The following EYS variants were observed in gnomAD, a reference collection of about 807,000 sequenced individuals.
EYS encodes the protein protein eyes shut homolog.
In EYS, 250 loss-of-function variants were observed where a neutral mutation model predicts 282.1. The observed-to-expected ratio is 0.89, with a 90% CI of 0.80 to 0.98. The LOEUF (loss-of-function observed/expected upper bound fraction) is 0.98, where lower values mean the gene tolerates loss of function less well. EYS is among the 50% of genes least tolerant of loss of function. EYS has a pLI of 0.00. For synonymous variants in EYS, 1,355 were observed against 1,282.9 expected (o/e 1.06, Z -1.20); for missense variants, 4,016 against 3,709.0 (o/e 1.08, Z -2.15).
intron 31 of EYS, among the ~76,000 whole-genome samples, chr6:64,223,926 T>C (rs1425970572): frequency 2.6e-5 from 4 of 152,070 alleles, no homozygotes; most frequent in African/African-American, 7.2e-5. Flanking sequence ...TGTAACCTTT[T>C]GTAGAATAGG....
At chr6:63,859,792 C>T (rs6911292) in intron 36 of EYS, among the ~76,000 whole-genome samples, 77,072 of 151,972 alleles carry the variant, frequency 0.51, 21,227 homozygotes, top group African/African-American at 0.72. Context: ...TCGGCTCCGG[C>T]CATCACTGCC....
At chr6:64,894,755 T>C (rs1456326521) in intron 18 of EYS, among the ~76,000 whole-genome samples, 1 of 151,980 alleles carries the variant, frequency 6.6e-6, no homozygotes, top group Non-Finnish European at 1.5e-5. Flanking sequence ...ATTTTAGGAG[T>C]TGCTGAATAC....
intron 5 of EYS, among the ~76,000 whole-genome samples, chr6:65,475,954 A>G (rs1241359969): frequency 6.6e-6 from 1 of 152,144 alleles, no homozygotes; most frequent in Non-Finnish European, 1.5e-5. Flanking sequence ...TTCACTCTGT[A>G]TTTCTTACTA....
At chr6:64,178,150 C>T (rs1307896899) in intron 31 of EYS, among the ~76,000 whole-genome samples, 1 of 151,998 alleles carries the variant, frequency 6.6e-6, no homozygotes, top group African/African-American at 2.4e-5. Flanking sequence ...CTGAGTTATT[C>T]TGGTGTGAAT....
intron 24 of EYS, among the ~76,000 whole-genome samples, chr6:64,594,390 T>C (rs896726543): frequency 1.3e-5 from 2 of 152,124 alleles, no homozygotes; most frequent in East Asian, 1.9e-4. Flanking sequence ...CCTTTGGGTA[T>C]ATACTCAGTA....
At chr6:64,025,579 G>C (rs533969167) in intron 33 of EYS, among the ~76,000 whole-genome samples, 1 of 152,226 alleles carries the variant, frequency 6.6e-6, no homozygotes, top group Admixed American at 6.5e-5. Flanking sequence ...CCAGGACTCT[G>C]TTACCTTCTT....
At chr6:65,038,715 G>T (rs952445193) in intron 13 of EYS, among the ~76,000 whole-genome samples, 2 of 151,338 alleles carry the variant, frequency 1.3e-5, no homozygotes, top group Admixed American at 6.6e-5. Context: ...CCAACAGTGT[G>T]TGAGACTTTG....
At chr6:65,446,394 A>T (rs946276394) in intron 5 of EYS, among the ~76,000 whole-genome samples, 13 of 151,904 alleles carry the variant, frequency 8.6e-5, no homozygotes, top group African/African-American at 3.1e-4. Context: ...TGTCAGAACT[A>T]AAAGTATTTT....
chr6:65,062,943 T>C (rs1439787091), intron 12 of EYS, among the ~76,000 whole-genome samples: 1 of 151,990 alleles, frequency 6.6e-6, no homozygotes. Context: ...CACTTGAAAA[T>C]TAGCACACAA....
At position 64,698,394 on chromosome 6, in the gene EYS, T is replaced by C. The variant is rs1004646295; in HGVS notation, c.3444-72149A>G. Among the ~76,000 whole-genome samples, 3 of 151,858 alleles carry C rather than the reference T, an allele frequency of 2.0e-5. No individual in the cohort carries two copies. In the East Asian group the frequency reaches 5.8e-4, roughly 29 times the overall value. On this transcript the variant is annotated intron_variant, in intron 22 of 42. Coordinates refer to ENST00000503581, the MANE Select transcript of EYS (RefSeq NM_001142800.2). ...GCTCAACAAAATAAAAAATTGGTTG[T>C]TAAAAATAAACAAAATTAAAAGACC...
At chr6:65,388,667 G>T (rs1765889189) in intron 7 of EYS, among the ~76,000 whole-genome samples, 1 of 151,990 alleles carries the variant, frequency 6.6e-6, no homozygotes, top group African/African-American at 2.4e-5. Flanking sequence ...ATAGGCAGGA[G>T]GAAAATATGG....
At chr6:65,164,173 A>T (rs1436938159) in intron 12 of EYS, among the ~76,000 whole-genome samples, 4 of 151,378 alleles carry the variant, frequency 2.6e-5, no homozygotes, top group Non-Finnish European at 4.4e-5. Flanking sequence ...TAAACTGCAT[A>T]TTTGCAAGAC....
chr6:65,147,327 AAAAT>A (rs1764504135), intron 12 of EYS, among the ~76,000 whole-genome samples: 1 of 152,098 alleles, frequency 6.6e-6, no homozygotes, highest in Admixed American at 6.6e-5. Context: ...TAACATAAAT[AAAAT>A]AAATAATGGA....
chr6:63,996,526 A>G (rs1767845038), intron 34 of EYS, among the ~76,000 whole-genome samples: 3 of 152,110 alleles, frequency 2.0e-5, no homozygotes, highest in Non-Finnish European at 4.4e-5. Flanking sequence ...GTATCCCAGA[A>G]CTTAAAGTAA....
chr6:64,550,578 C>T (rs536527043), intron 26 of EYS, among the ~76,000 whole-genome samples: 1 of 152,272 alleles, frequency 6.6e-6, no homozygotes, highest in East Asian at 1.9e-4. Context: ...TCTCACCACT[C>T]TTATTCAACA....
At chr6:65,330,104 C>G in intron 11 of EYS, 2 of 980,796 alleles carry the variant, frequency 2.0e-6, no homozygotes, top group Non-Finnish European at 2.4e-6. Flanking sequence ...TACTTTAGTA[C>G]TTTAAAAATG....
chr6:64,707,564 G>A (rs1174453861), intron 22 of EYS, among the ~76,000 whole-genome samples: 5 of 151,644 alleles, frequency 3.3e-5, no homozygotes, highest in Non-Finnish European at 5.9e-5. Context: ...AGCTACTCCG[G>A]AGGCTGAGGC....
rs150307093 is a variant in EYS at position 65,144,940 on chromosome 6, T to C, written c.2024-87213A>G. Among the ~76,000 whole-genome samples, 32 of 152,036 alleles carry C rather than the reference T, an allele frequency of 2.1e-4. No individual in the cohort carries two copies. The East Asian group carries it at 6.2e-3, about 30-fold the overall frequency. On this transcript the variant is annotated intron_variant, in intron 12 of 42. Coordinates refer to ENST00000503581, the MANE Select transcript of EYS (RefSeq NM_001142800.2). Reference sequence around the variant, plus strand: ...ATGCCCCATCTCATTTGGCTTGTTTTTTGTATTTTTAGTAGAGACGGGGTT... The same window carrying C: ...ATGCCCCATCTCATTTGGCTTGTTTCTTGTATTTTTAGTAGAGACGGGGTT...
At chr6:64,258,437 G>A (rs1387389191) in intron 30 of EYS, among the ~76,000 whole-genome samples, 1 of 152,002 alleles carries the variant, frequency 6.6e-6, no homozygotes, top group Non-Finnish European at 1.5e-5. Context: ...TAATACAAAT[G>A]CAGGAAGGAC....
Sources: gnomAD v4.1 joint callset for allele counts (sites outside exome capture counted in the v4.1 genomes callset) on GRCh38, gnomAD v4.1.1 for gene constraint, MANE v1.5 for transcripts, NCBI Gene and HGNC (gene_info 2026-07-23, HGNC 2026-07-21) for gene names.